PTPRE: variants seen among roughly 807,000 people sequenced by gnomAD.
PTPRE encodes the protein receptor-type tyrosine-protein phosphatase epsilon.
PTPRE carries 51 observed loss-of-function variants against 102.0 expected under a neutral mutation model. The ratio of observed to expected loss-of-function variants is 0.50; its 90% CI spans 0.40 to 0.63. PTPRE has a LOEUF of 0.63. PTPRE is among the 30% of genes least tolerant of loss of function. The pLI is 0.00. For missense variants in PTPRE, 752 were observed against 915.1 expected (o/e 0.82, Z 2.30); for synonymous variants, 345 against 348.2 (o/e 0.99, Z 0.10).
At chr10:128,000,712 G>A (rs942332904) in intron 2 of PTPRE, among the ~76,000 whole-genome samples, 3 of 152,308 alleles carry the variant, frequency 2.0e-5, no homozygotes, top group East Asian at 1.9e-4. Flanking sequence ...GTGGTACTTC[G>A]TTTAAATCAG....
chr10:127,964,006 TG>T (rs1245310808), intron 1 of PTPRE, among the ~76,000 whole-genome samples: 2 of 152,190 alleles, frequency 1.3e-5, no homozygotes, highest in Admixed American at 1.3e-4. Context: ...GGATTAGTGC[TG>T]GCCCCCAGGT....
At chr10:127,987,263 G>GT in intron 2 of PTPRE, 1 of 1,086,664 alleles carries the variant, frequency 9.2e-7, no homozygotes, top group Non-Finnish European at 1.2e-6. Flanking sequence ...ATAAACTCAT[G>GT]TCTCGTCACC....
intron 2 of PTPRE, among the ~76,000 whole-genome samples, chr10:128,026,502 C>A (rs1846303370): frequency 6.6e-6 from 1 of 152,154 alleles, no homozygotes; most frequent in Admixed American, 6.5e-5. Context: ...CTGCCCAGAC[C>A]CCTGGAGGAC....
chr10:127,988,202 T>C (rs1032982087), intron 2 of PTPRE, among the ~76,000 whole-genome samples: 2 of 152,184 alleles, frequency 1.3e-5, no homozygotes, highest in African/African-American at 4.8e-5. Context: ...CACCCTCAAC[T>C]GCAGCACCAT....
At chr10:128,009,030 A>T (rs1360206340) in intron 2 of PTPRE, among the ~76,000 whole-genome samples, 1 of 152,184 alleles carries the variant, frequency 6.6e-6, no homozygotes, top group Admixed American at 6.5e-5. Context: ...TCAGTCCTGG[A>T]GGCCCGGCCA....
At chr10:127,975,003 C>T (rs900696805) in intron 1 of PTPRE, among the ~76,000 whole-genome samples, 3 of 152,196 alleles carry the variant, frequency 2.0e-5, no homozygotes, top group East Asian at 1.9e-4. Flanking sequence ...AAGGGGCGGG[C>T]GGGGAACAGC....
chr10:127,933,640 G>A (rs1847604574), intron 1 of PTPRE, among the ~76,000 whole-genome samples: 1 of 152,138 alleles, frequency 6.6e-6, no homozygotes, highest in African/African-American at 2.4e-5. Flanking sequence ...ATATTAAAAA[G>A]CTATTTAATT....
At position 128,082,895 on chromosome 10, in the gene PTPRE, A is replaced by T; in HGVS notation, c.2092A>T (p.Asn698Tyr). 3 of 1,551,416 alleles carry T rather than the reference A, an allele frequency of 1.9e-6. No individual in the cohort carries two copies. The highest frequency in any genetic ancestry group is 2.6e-6 in the Non-Finnish European group (3 of 1,157,728). The change falls in exon 21 of 21, where the codon AAT (asparagine) becomes TAT (tyrosine). Residue 698 changes from asparagine to tyrosine, a missense_variant. Physicochemically the swap from Asn to Tyr is moderately radical, Grantham distance 143 (BLOSUM62 -2). Transcript: ENST00000254667. Reference protein sequence around the residue: ...DFIDIFSDYANFK With the variant: ...DFIDIFSDYAYFK ...TATTGATATATTTTCTGATTATGCT[A>T]ATTTCAAATGAAGATTCCTGCCTTA...
chr10:128,037,957 A>ATTTTTTTTTTTTTTTTTTTTTTTTTTTT (rs34089996), intron 2 of PTPRE, among the ~76,000 whole-genome samples: 2 of 115,956 alleles, frequency 1.7e-5, no homozygotes. Context: ...TGTCCGGCTA[A>ATTTTTTTTTTTTTTTTTTTTTTTTTTTT]TTTTTTTTTT....
intron 2 of PTPRE, among the ~76,000 whole-genome samples, chr10:128,030,302 G>A (rs1846636129): frequency 6.6e-6 from 1 of 152,194 alleles, no homozygotes; most frequent in East Asian, 1.9e-4. Flanking sequence ...ACTCATTTAT[G>A]ATTTCGTGGG....
intron 11 of PTPRE, among the ~76,000 whole-genome samples, chr10:128,067,410 A>C (rs1019733776): frequency 5.2e-4 from 79 of 151,574 alleles, no homozygotes; most frequent in Middle Eastern, 3.4e-3. Context: ...ATACACGCAC[A>C]TGGGTGCACA....
At chr10:127,960,751 C>CGGT (rs1564829436) in intron 1 of PTPRE, among the ~76,000 whole-genome samples, 1 of 152,076 alleles carries the variant, frequency 6.6e-6, no homozygotes, top group Admixed American at 6.5e-5. Context: ...CAGCCGGGCG[C>CGGT]GGTGGCTCAC....
At chr10:128,067,425 T>TACGCACCCACATTCACACATGC (rs1850339910) in intron 11 of PTPRE, among the ~76,000 whole-genome samples, 7 of 146,218 alleles carry the variant, frequency 4.8e-5, no homozygotes, top group Non-Finnish European at 1.1e-4. Context: ...TGCACACGTG[T>TACGCACCCACATTCACACATGC]ACGCACCCAC....
intron 1 of PTPRE, among the ~76,000 whole-genome samples, chr10:127,926,033 A>G (rs976715315): frequency 1.3e-5 from 2 of 152,244 alleles, no homozygotes; most frequent in Non-Finnish European, 2.9e-5. Flanking sequence ...TCAGAAGACC[A>G]TAGCTAATCC....
At chr10:127,914,437 C>G (rs1589719037) in intron 1 of PTPRE, among the ~76,000 whole-genome samples, 1 of 152,330 alleles carries the variant, frequency 6.6e-6, no homozygotes, top group South Asian at 2.1e-4. Context: ...AGGCTCTACT[C>G]TTAACTCTTC....
intron 2 of PTPRE, among the ~76,000 whole-genome samples, chr10:128,011,497 C>A (rs1845008745): frequency 1.3e-5 from 2 of 152,214 alleles, no homozygotes; most frequent in Admixed American, 1.3e-4. Context: ...GTTCCTGTGG[C>A]TTACCCGACG....
intron 2 of PTPRE, among the ~76,000 whole-genome samples, chr10:128,009,525 C>A (rs919945632): frequency 6.6e-6 from 1 of 152,186 alleles, no homozygotes; most frequent in Non-Finnish European, 1.5e-5. Flanking sequence ...CAAGGGCATG[C>A]TTCTTCCCTG....
intron 2 of PTPRE, among the ~76,000 whole-genome samples, chr10:127,994,478 A>G (rs1853047731): frequency 6.6e-6 from 1 of 152,192 alleles, no homozygotes; most frequent in South Asian, 2.1e-4. Flanking sequence ...TAGGATAGGG[A>G]TCCCATCCCT....
At chr10:128,031,311 TCTC>T (rs1846736192) in intron 2 of PTPRE, among the ~76,000 whole-genome samples, 1 of 152,142 alleles carries the variant, frequency 6.6e-6, no homozygotes, top group African/African-American at 2.4e-5. Context: ...CTGGCCAGCG[TCTC>T]CTCTGTCAGC....
Sources: allele counts gnomAD v4.1 joint callset (sites outside exome capture counted in the v4.1 genomes callset), GRCh38; gene constraint gnomAD v4.1.1; transcripts MANE v1.5; gene names NCBI Gene and HGNC (gene_info 2026-07-23, HGNC 2026-07-21).